Variants in CFAP47 observed in about 807,000 individuals in gnomAD.
CFAP47 encodes cilia and flagella associated protein 47, also known as cilia- and flagella-associated protein 47.
A neutral mutation model predicts 148.1 loss-of-function variants in CFAP47; 29 were observed. The observed-to-expected ratio is 0.20, with a 90% confidence interval of 0.15 to 0.27. The LOEUF is 0.27. CFAP47 is among the 10% of genes least tolerant of loss of function. CFAP47 has a pLI of 1.00. For missense variants in CFAP47, 1,872 were observed against 1,697.5 expected, an observed-to-expected ratio of 1.10 and a Z score of -1.81; for synonymous variants, 664 against 577.3, an observed-to-expected ratio of 1.15 and a Z score of -2.15.
chrX:35,975,414 T>C, intron 14 of CFAP47, 51 bp downstream of exon 14: 1 of 802,589 alleles, frequency 1.2e-6, no homozygotes, highest in Non-Finnish European at 1.8e-6. Context: ...TGTACTTCTG[T>C]AGAATATGTA....
At chrX:36,228,847 CCTTT>C (rs1555991922) in intron 46 of CFAP47, 23 bp downstream of exon 46, 2 of 510,365 alleles carry the variant, frequency 3.9e-6, no homozygotes, top group Non-Finnish European at 7.2e-6. Flanking sequence ...TTTTTTGGTA[CCTTT>C]CTTTATTCAT....
intron 37 of CFAP47, among the ~76,000 whole-genome samples, chrX:36,155,114 G>T (rs1056687324): frequency 9.0e-6 from 1 of 110,769 alleles, no homozygotes; most frequent in Non-Finnish European, 1.9e-5. Flanking sequence ...TATATAAATT[G>T]CTAAGAGCAC....
chrX:36,224,515 T>C lies in CFAP47; in HGVS notation c.6818-4113T>C, dbSNP rs181154239. The stretch of plus-strand genomic sequence containing the variant: ...TTCCTCGTTGACCTGGTTGTGGCCA[T>C]GTGACTTGCTTTGGACAAAGGATCA... On this transcript the variant is annotated intron_variant, in intron 45 of 63. Coordinates refer to ENST00000378653, the MANE Select transcript of CFAP47 (RefSeq NM_001304548.2). Among the ~76,000 whole-genome samples, 1,015 of 111,810 alleles carry C rather than the reference T, an allele frequency of 9.1e-3. 13 individuals are homozygous for C. The highest frequency in any genetic ancestry group is 0.031 in the African/African-American group (951 of 30,806).
chrX:35,965,001 A>G (rs1490812629), intron 8 of CFAP47, among the ~76,000 whole-genome samples: 1 of 111,361 alleles, frequency 9.0e-6, no homozygotes, highest in Non-Finnish European at 1.9e-5. Context: ...CAGCTTTCCT[A>G]GGTATTGGCC....
chrX:36,001,115 T>G (rs1263971769), intron 20 of CFAP47, among the ~76,000 whole-genome samples: 2 of 111,982 alleles, frequency 1.8e-5, no homozygotes, highest in African/African-American at 6.5e-5. Flanking sequence ...AAATATTTGT[T>G]GAATCCCAAT....
intron 45 of CFAP47, among the ~76,000 whole-genome samples, chrX:36,222,509 T>C (rs1475698035): frequency 1.8e-5 from 2 of 110,301 alleles, no homozygotes; most frequent in Admixed American, 1.9e-4. Context: ...ATAATAAGTA[T>C]AGGTCTTTAT....
chrX:36,236,247 G>A (rs1940464006), intron 47 of CFAP47, among the ~76,000 whole-genome samples, 170 bp downstream of exon 47: 1 of 111,926 alleles, frequency 8.9e-6, no homozygotes, highest in Admixed American at 9.5e-5. Context: ...GTTTTAATTT[G>A]AGGCATAAAC....
chrX:36,330,843 G>A (rs1941559116), intron 57 of CFAP47, among the ~76,000 whole-genome samples: 1 of 111,635 alleles, frequency 9.0e-6, no homozygotes, highest in Non-Finnish European at 1.9e-5. Flanking sequence ...CCTAGATTCT[G>A]CCTTTTCTAA....
At chrX:36,347,223 A>G (rs781795524) in intron 57 of CFAP47, among the ~76,000 whole-genome samples, 46 of 112,147 alleles carry the variant, frequency 4.1e-4, no homozygotes, top group Non-Finnish European at 7.5e-4. Context: ...GCAAATCAAA[A>G]CCACAATGAG....
intron 59 of CFAP47, among the ~76,000 whole-genome samples, chrX:36,350,497 C>T (rs1357349945): frequency 9.0e-6 from 1 of 110,780 alleles, no homozygotes; most frequent in African/African-American, 3.3e-5. Context: ...TCGATCTCAT[C>T]TAAGAACTAT....
chrX:36,234,377 A>C (rs1555993551), intron 46 of CFAP47, among the ~76,000 whole-genome samples: 1 of 111,069 alleles, frequency 9.0e-6, no homozygotes, highest in Non-Finnish European at 1.9e-5. Flanking sequence ...ATCTTCCATC[A>C]CTGACACCCT....
chrX:36,256,396 A>AAC (rs1218076438), intron 49 of CFAP47, among the ~76,000 whole-genome samples: 1 of 112,265 alleles, frequency 8.9e-6, no homozygotes, highest in Non-Finnish European at 1.9e-5. Context: ...AACATAAAGC[A>AAC]ACTAATTTGT....
At chrX:36,102,782 G>A (rs1178277015) in intron 32 of CFAP47, among the ~76,000 whole-genome samples, 2 of 111,687 alleles carry the variant, frequency 1.8e-5, no homozygotes, top group East Asian at 2.8e-4. Context: ...CCTTTTCAAA[G>A]GCTTTAAATT....
At chrX:35,978,172 G>C (rs571033264) in intron 15 of CFAP47, among the ~76,000 whole-genome samples, 1 of 111,993 alleles carries the variant, frequency 8.9e-6, no homozygotes, top group South Asian at 3.7e-4. Context: ...ATCAAACAGT[G>C]GTTGTTGTAT....
chrX:36,056,594 A>AT (rs761349749), intron 26 of CFAP47, among the ~76,000 whole-genome samples: 1 of 112,358 alleles, frequency 8.9e-6, no homozygotes, highest in Non-Finnish European at 1.9e-5. Flanking sequence ...CAACTGTTAG[A>AT]TTTTTTTATG....
At chrX:36,076,527 A>T (rs1937860586) in intron 29 of CFAP47, among the ~76,000 whole-genome samples, 1 of 110,582 alleles carries the variant, frequency 9.0e-6, no homozygotes, top group African/African-American at 3.3e-5. Context: ...TTGGCCAGTT[A>T]TATATCTCCT....
chrX:36,296,539 T>C (rs150330074), intron 51 of CFAP47, among the ~76,000 whole-genome samples: 1 of 112,421 alleles, frequency 8.9e-6, no homozygotes, highest in East Asian at 2.8e-4. Flanking sequence ...TGTAAAACTT[T>C]TGTGATATGC....
At chrX:36,311,032 T>C in intron 56 of CFAP47, 43 bp downstream of exon 56, 1 of 734,853 alleles carries the variant, frequency 1.4e-6, no homozygotes. Flanking sequence ...TTTATAGGTA[T>C]TTATCAGACT....
At position 36,174,556 on chromosome X, in the gene CFAP47, A is replaced by G. The variant is rs1306171220; in HGVS notation, c.6027-4789A>G. The stretch of plus-strand genomic sequence containing the variant: ...AAAGGATTTTATTTCTCCTTCACTT[A>G]TGAAGCTTAGTTTGGCTGGATATGA... On this transcript the variant is annotated intron_variant, in intron 39 of 63. Coordinates refer to ENST00000378653, the MANE Select transcript of CFAP47 (RefSeq NM_001304548.2). 4.6e-5 allele frequency among the ~76,000 whole-genome samples: 5 copies of G among 108,562 alleles called. No individual in the cohort carries two copies. In the East Asian group the frequency reaches 1.2e-3, roughly 25 times the overall value. The allele number at this position is 108,562 out of a possible 115,157, so 94.3% of individuals were successfully genotyped here. A position where few individuals can be genotyped will look rare whatever the true frequency, so the allele number is the denominator to read the frequency against.
Sources: gnomAD v4.1 joint callset for allele counts (sites outside exome capture counted in the v4.1 genomes callset) on GRCh38, gnomAD v4.1.1 for gene constraint, MANE v1.5 for transcripts, NCBI Gene and HGNC (gene_info 2026-07-23, HGNC 2026-07-21) for gene names.